The following UBE2QL1 variants were observed in gnomAD, a reference collection of about 807,000 sequenced individuals.
The protein encoded by UBE2QL1 is ubiquitin conjugating enzyme E2 QL1.
A neutral mutation model predicts 12.6 loss-of-function variants in UBE2QL1; 5 were observed. The observed-to-expected ratio is 0.40, with a 90% CI of 0.21 to 0.83. The LOEUF (loss-of-function observed/expected upper bound fraction) is 0.83. Ranked by LOEUF, UBE2QL1 falls within the 40% of genes least tolerant of loss-of-function variation. The probability of loss-of-function intolerance (pLI) is 0.37; values close to 1 mark genes in which losing one functional copy is unlikely to be tolerated. For missense variants in UBE2QL1, 99 were observed against 222.6 expected (o/e 0.44, Z 3.53); for synonymous variants, 96 against 94.5 (o/e 1.02, Z -0.10).
At chr5:6,449,868 A>ACCCCCCCCCCCC (rs5865654) in intron 1 of UBE2QL1, among the ~76,000 whole-genome samples, 2 of 117,174 alleles carry the variant, frequency 1.7e-5, no homozygotes, top group African/African-American at 3.4e-5. Context: ...CACCTCCCCA[A>ACCCCCCCCCCCC]CCCCCCCCAC....
At chr5:6,480,443 C>T (rs1363728725) in intron 1 of UBE2QL1, among the ~76,000 whole-genome samples, 5 of 152,194 alleles carry the variant, frequency 3.3e-5, no homozygotes, top group African/African-American at 1.2e-4. Context: ...CACTAATGAG[C>T]GTATCTGTCA....
intron 1 of UBE2QL1, among the ~76,000 whole-genome samples, chr5:6,477,453 G>T (rs1734260132): frequency 6.6e-6 from 1 of 152,266 alleles, no homozygotes; most frequent in East Asian, 1.9e-4. Flanking sequence ...GGATAGGTGT[G>T]CCCGGAGGCC....
intron 1 of UBE2QL1, among the ~76,000 whole-genome samples, chr5:6,483,443 A>G (rs1734403453): frequency 9.5e-6 from 1 of 105,620 alleles, no homozygotes; most frequent in African/African-American, 6.3e-5. Context: ...TGTCTAAAAT[A>G]AGAAAAAAAA....
intron 1 of UBE2QL1, among the ~76,000 whole-genome samples, chr5:6,461,540 A>ACCCCCCCCCCCCCCCCCCCC (rs71606052): frequency 2.1e-5 from 1 of 46,772 alleles, no homozygotes; most frequent in Non-Finnish European, 4.8e-5. Flanking sequence ...TTCAGCACCC[A>ACCCCCCCCCCCCCCCCCCCC]CCACCCCCCC....
At chr5:6,469,776 C>CA (rs1211235392) in intron 1 of UBE2QL1, among the ~76,000 whole-genome samples, 4 of 151,916 alleles carry the variant, frequency 2.6e-5, no homozygotes, top group Non-Finnish European at 5.9e-5. Flanking sequence ...GCTCTTAACC[C>CA]AAAAAAGCCA....
chr5:6,470,031 G>T (rs1008231151), intron 1 of UBE2QL1, among the ~76,000 whole-genome samples: 1 of 152,190 alleles, frequency 6.6e-6, no homozygotes, highest in African/African-American at 2.4e-5. Context: ...TGCCGGGGCC[G>T]CAGTGTTCAG....
intron 1 of UBE2QL1, among the ~76,000 whole-genome samples, chr5:6,488,806 G>GAAA (rs10658559): frequency 3.2e-5 from 4 of 124,842 alleles, no homozygotes; most frequent in Non-Finnish European, 3.1e-5. Context: ...TCTGTCTCAA[G>GAAA]AAAAAAAAAA....
rs967479556 is a variant in UBE2QL1, at chr5:6,495,205, A to G, written c.*3856A>G. Among the ~76,000 whole-genome samples the G allele has an allele frequency of 1.3e-5, 2 of 152,152 alleles. No homozygotes were observed. On this transcript the variant is annotated 3_prime_UTR_variant, in exon 2 of 2. Transcript: ENST00000399816. ...GCCACCTCTCACCTGCAGAGTCCCT[A>G]TTCATGGAGCTGATTTCAGGAAGCA...
chr5:6,457,240 C>T (rs540541882), intron 1 of UBE2QL1, among the ~76,000 whole-genome samples: 1 of 152,122 alleles, frequency 6.6e-6, no homozygotes, highest in Non-Finnish European at 1.5e-5. Flanking sequence ...GGAAGCCCCT[C>T]TTGCCCATCT....
chr5:6,492,211 C>T lies in UBE2QL1; in HGVS notation c.*862C>T, dbSNP rs1358930829. On this transcript the variant is annotated 3_prime_UTR_variant, in exon 2 of 2. Transcript: ENST00000399816. The stretch of plus-strand genomic sequence containing the variant: ...TTGTGTTCCTGTCTTCTCTCCACCA[C>T]CAAAAGCAAAAGATGATTTCCCATT... The T allele has an allele frequency of 6.6e-6, 1 of 152,260 alleles. No individual in the cohort carries two copies. The highest frequency in any genetic ancestry group is 1.5e-5 in the Non-Finnish European group (1 of 68,058). The allele number at this position is 152,260 out of a possible 1,614,324, so 9.4% of individuals were successfully genotyped here.
rs1214519422 is a variant in UBE2QL1 at position 6,476,074 on chromosome 5, C to CA, written c.355-15140dup. Among the ~76,000 whole-genome samples, 1 of 152,152 alleles carries CA rather than the reference C, an allele frequency of 6.6e-6. No homozygotes were observed. Among genetic ancestry groups the CA allele is most frequent in the Non-Finnish European group, 1.5e-5 (1 of 68,028 alleles). On this transcript the variant is annotated intron_variant, in intron 1 of 1. Coordinates refer to ENST00000399816, the MANE Select transcript of UBE2QL1 (RefSeq NM_001145161.3). The surrounding 1 kb of genome is among the most constrained non-coding windows in gnomAD (Gnocchi z 4.9). The stretch of plus-strand genomic sequence containing the variant: ...ATGGCTCAGAACACTTTCAGGACTT[C>CA]AAAATCAGGGTGGGGTATGCCTGCT...
At position 6,478,211 on chromosome 5, in the gene UBE2QL1, G is replaced by A. The variant is rs1734280370; in HGVS notation, c.355-13007G>A. ...CTGAAAATATATCTGAAGACTTCCA[G>A]TGGTTCCAAAATCTCATTTACTTTA... On this transcript the variant is annotated intron_variant, in intron 1 of 1. Transcript: ENST00000399816. The surrounding 1 kb of genome is among the most constrained non-coding windows in gnomAD (Gnocchi z 4.5). Among the ~76,000 whole-genome samples, 1 of 152,154 alleles carries A rather than the reference G, an allele frequency of 6.6e-6. No homozygotes were observed.
chr5:6,473,835 A>C (rs1279531319), intron 1 of UBE2QL1, among the ~76,000 whole-genome samples: 1 of 152,236 alleles, frequency 6.6e-6, no homozygotes, highest in Non-Finnish European at 1.5e-5. Context: ...ACAATAACAA[A>C]GCCAGGAAAA....
In UBE2QL1 at chr5:6,479,841, C is replaced by T. The variant is rs867227613; in HGVS notation, c.355-11377C>T. On this transcript the variant is annotated intron_variant, in intron 1 of 1. Coordinates refer to ENST00000399816, the MANE Select transcript of UBE2QL1 (RefSeq NM_001145161.3). This position sits in a 1 kb window ranked among gnomAD's most constrained non-coding sequence, Gnocchi z 4.2. The stretch of plus-strand genomic sequence containing the variant: ...GGGAGGTCACCCACCCTGTTCACCA[C>T]GTCAGGCAGGTAGCGTGTGCCGAGG... 6.6e-5 allele frequency among the ~76,000 whole-genome samples: 10 copies of T among 152,316 alleles called. No individual in the cohort carries two copies. In the East Asian group the frequency reaches 1.2e-3, roughly 18 times the overall value.
chr5:6,465,651 C>T (rs199785111), intron 1 of UBE2QL1, among the ~76,000 whole-genome samples: 9 of 152,240 alleles, frequency 5.9e-5, no homozygotes, highest in East Asian at 1.9e-4. Context: ...TGCCCCTCTC[C>T]GCCCCCAGCA....
intron 1 of UBE2QL1, among the ~76,000 whole-genome samples, chr5:6,473,707 G>A (rs978843172): frequency 7.9e-5 from 12 of 152,312 alleles, no homozygotes; most frequent in South Asian, 2.1e-4. Context: ...CCTCAGTACC[G>A]TAAGAGCCAG....
intron 1 of UBE2QL1, among the ~76,000 whole-genome samples, chr5:6,462,744 C>T (rs1173264151): frequency 6.6e-6 from 1 of 152,182 alleles, no homozygotes; most frequent in Non-Finnish European, 1.5e-5. Flanking sequence ...GGGACTTTCC[C>T]CATAGAATTC....
At chr5:6,488,657 G>A (rs911243301) in intron 1 of UBE2QL1, among the ~76,000 whole-genome samples, 2 of 151,936 alleles carry the variant, frequency 1.3e-5, no homozygotes, top group Non-Finnish European at 2.9e-5. Context: ...TTAACTGGCT[G>A]TATGTGGTGA....
chr5:6,489,748 A>G (rs550704328), intron 1 of UBE2QL1, among the ~76,000 whole-genome samples: 2 of 152,362 alleles, frequency 1.3e-5, no homozygotes, highest in East Asian at 3.9e-4. Context: ...GTGAGTTATC[A>G]GAGAGCCAGG....
Sources: gnomAD v4.1 joint callset for allele counts (sites outside exome capture counted in the v4.1 genomes callset) on GRCh38, gnomAD v4.1.1 for gene constraint, Gnocchi (gnomAD v3.1) non-coding constraint, MANE v1.5 for transcripts, NCBI Gene and HGNC (gene_info 2026-07-23, HGNC 2026-07-21) for gene names.